SVEP1: variants seen among roughly 807,000 people sequenced by gnomAD.
SVEP1 encodes sushi, von Willebrand factor type A, EGF and pentraxin domain-containing protein 1.
A neutral mutation model predicts 367.3 loss-of-function variants in SVEP1; 164 were observed. The observed-to-expected ratio is 0.45, with a 90% CI of 0.39 to 0.51. The LOEUF (loss-of-function observed/expected upper bound fraction) is 0.51, where lower values mean the gene tolerates loss of function less well. SVEP1 is among the 20% of genes least tolerant of loss of function. The pLI is 0.00. For missense variants in SVEP1, 4,117 were observed against 4,425.3 expected (o/e 0.93, Z 1.98); for synonymous variants, 1,666 against 1,611.6 (o/e 1.03, Z -0.81).
intron 36 of SVEP1, among the ~76,000 whole-genome samples, chr9:110,425,109 C>A (rs1184552110): frequency 6.6e-6 from 1 of 152,170 alleles, no homozygotes; most frequent in Non-Finnish European, 1.5e-5. Flanking sequence ...ATTAAAGGGG[C>A]ATCATTTTTC....
intron 40 of SVEP1, among the ~76,000 whole-genome samples, chr9:110,400,273 G>C (rs1827837244): frequency 3.3e-5 from 5 of 152,114 alleles, no homozygotes; most frequent in Admixed American, 3.3e-4. Flanking sequence ...CAGTTTAAAT[G>C]GTCAGTTGAA....
rs569011497 is a variant in SVEP1, at chr9:110,435,205, G to A, written c.4888+36C>T. On this transcript the variant is annotated intron_variant, in intron 29 of 47. Transcript: ENST00000374469. ...TGCTAGACAGTCCCAGGGTGGTCAA[G>A]AGATAGTGGAGTCTATGAAAGAAGG... 2.1e-5 allele frequency: 33 copies of A among 1,607,180 alleles called. No homozygotes were observed. In the African/African-American group the frequency reaches 3.6e-4, roughly 18 times the overall value.
intron 38 of SVEP1, 137 bp downstream of exon 38, chr9:110,406,023 A>G: frequency 9.3e-7 from 1 of 1,075,146 alleles, no homozygotes; most frequent in South Asian, 2.7e-5. Flanking sequence ...GAATAAAGCC[A>G]AGTGTTAAAA....
rs1829018640 is a variant in SVEP1, at chr9:110,471,590, C to T, written c.2772G>A (p.Val924=). 5.0e-6 allele frequency: 8 copies of T among 1,612,380 alleles called. No individual in the cohort carries two copies. In the East Asian group the frequency reaches 1.8e-4, roughly 36 times the overall value. Residue 924 remains valine, a synonymous_variant, in exon 16 of 48, where the codon GTG becomes GTA. Transcript: ENST00000374469. ...TATCATTTCTTTCATCGGGTAATGG[C>T]ACACTAGCTGAGATAAAAACAAAAT... ...IKLIFNITAS[V]PLPDERNDTL... is the part of the protein sequence containing the mutation.
chr9:110,562,845 G>A (rs369724387), intron 1 of SVEP1, among the ~76,000 whole-genome samples: 2 of 151,878 alleles, frequency 1.3e-5, no homozygotes, highest in African/African-American at 2.4e-5. Context: ...GCCTGCCACC[G>A]CACCCGGCCA....
At chr9:110,550,903 G>A in intron 1 of SVEP1, among the ~76,000 whole-genome samples, 1 of 152,050 alleles carries the variant, frequency 6.6e-6, no homozygotes, top group East Asian at 1.9e-4. Context: ...TTGATGCTTT[G>A]TAACACCAGA....
rs754048080 is a variant in SVEP1, at chr9:110,436,508, A to G, written c.4640-4T>C. The G allele has an allele frequency of 4.3e-6, 7 of 1,612,784 alleles. No individual in the cohort carries two copies. In the African/African-American group the frequency reaches 8.0e-5, roughly 18 times the overall value. ...CCCAGAACTAACGCACCACCACCTA[A>G]GGAGAGAGAAAGAGAAAGAAAAGGA... On this transcript the variant is annotated splice_polypyrimidine_tract_variant and splice_region_variant and intron_variant, in intron 27 of 47. Transcript: ENST00000374469.
intron 1 of SVEP1, among the ~76,000 whole-genome samples, chr9:110,577,561 T>C (rs906861948): frequency 6.6e-6 from 1 of 152,094 alleles, no homozygotes; most frequent in African/African-American, 2.4e-5. Context: ...TCTAAAACTA[T>C]GAACAAATAT....
intron 40 of SVEP1, among the ~76,000 whole-genome samples, chr9:110,397,701 G>C (rs935425261): frequency 8.6e-5 from 13 of 151,602 alleles, no homozygotes; most frequent in Non-Finnish European, 1.6e-4. Flanking sequence ...ACACCAATAA[G>C]AGAAACAGAG....
At chr9:110,554,129 A>T (rs1830325572) in intron 1 of SVEP1, among the ~76,000 whole-genome samples, 1 of 151,984 alleles carries the variant, frequency 6.6e-6, no homozygotes, top group African/African-American at 2.4e-5. Context: ...CTACTTGCTT[A>T]TTCTTGGCCT....
At chr9:110,488,963 T>C (rs777610691) in intron 9 of SVEP1, among the ~76,000 whole-genome samples, 1 of 152,086 alleles carries the variant, frequency 6.6e-6, no homozygotes, top group South Asian at 2.1e-4. Context: ...CCAGAGATCA[T>C]TGGTGACTTT....
At chr9:110,395,475 A>C (rs1289648942) in intron 40 of SVEP1, among the ~76,000 whole-genome samples, 2 of 152,224 alleles carry the variant, frequency 1.3e-5, no homozygotes, top group Non-Finnish European at 2.9e-5. Flanking sequence ...TGACATCATA[A>C]TGACAGGATC....
rs201290499 is a variant in SVEP1, at chr9:110,408,794, G to A, written c.6806C>T (p.Pro2269Leu). 1.3e-4 allele frequency: 204 copies of A among 1,613,038 alleles called. No homozygotes were observed. In the African/African-American group the frequency reaches 1.9e-3, roughly 15 times the overall value. ...TCCTTTCATGAAGCCATTCTGGATC[G>A]GGGGAGGTTTTCCACAGTCGAGAGG... is the stretch of plus-strand genomic sequence containing the variant. ...CVPLDCGKPP[P>L]IQNGFMKGEN... Residue 2269 changes from proline to leucine, a missense_variant, in exon 38 of 48, where the codon CCG (proline) becomes CTG (leucine). Pro to Leu is a moderately conservative substitution (Grantham distance 98). This residue lies in a region of SVEP1 where 1,765 missense variants were observed against 1,781.1 expected (regional missense o/e 0.99). Transcript: ENST00000374469.
chr9:110,513,370 A>G (rs747091502), intron 4 of SVEP1, among the ~76,000 whole-genome samples: 11 of 152,144 alleles, frequency 7.2e-5, no homozygotes, highest in Non-Finnish European at 1.6e-4. Context: ...TGATATCTAT[A>G]TGGATATGAG....
At chr9:110,537,279 T>C (rs1830090650) in intron 3 of SVEP1, among the ~76,000 whole-genome samples, 1 of 151,982 alleles carries the variant, frequency 6.6e-6, no homozygotes, top group Non-Finnish European at 1.5e-5. Flanking sequence ...TGATGTTGTA[T>C]GCTCTCTTAA....
rs765265894 is a variant in SVEP1 at position 110,481,357 on chromosome 9, T to C, written c.2250A>G (p.Thr750=). The change falls in exon 12 of 48, where the codon ACA becomes ACG. Residue 750 remains threonine, a synonymous_variant. Transcript: ENST00000374469. ...CTPDNTGVNC[T]LTCLEGYDFT... ...AATCATAGCCCTCCAAGCAAGTTAA[T>C]GTACAGTTGACTCCAGTATTATCTG... The C allele has an allele frequency of 1.1e-5, 17 of 1,611,240 alleles. 1 individual carries two copies. The African/African-American group carries it at 2.0e-4, about 19-fold the overall frequency.
intron 3 of SVEP1, among the ~76,000 whole-genome samples, chr9:110,521,327 T>C (rs1173316989): frequency 6.6e-6 from 1 of 152,216 alleles, no homozygotes; most frequent in Non-Finnish European, 1.5e-5. Flanking sequence ...GGTAGCTCAT[T>C]TGGCCAGAGT....
At chr9:110,525,219 G>C (rs1307566196) in intron 3 of SVEP1, among the ~76,000 whole-genome samples, 1 of 152,088 alleles carries the variant, frequency 6.6e-6, no homozygotes, top group African/African-American at 2.4e-5. Flanking sequence ...TCTACCAAAA[G>C]CAAAAAACCA....
intron 3 of SVEP1, among the ~76,000 whole-genome samples, chr9:110,526,693 AT>A (rs546876241): frequency 3.3e-5 from 5 of 152,144 alleles, no homozygotes; most frequent in Non-Finnish European, 7.4e-5. Flanking sequence ...AGCCTAGTGA[AT>A]TAAAAACTTA....
Sources: allele counts gnomAD v4.1 joint callset (sites outside exome capture counted in the v4.1 genomes callset), GRCh38; gene constraint gnomAD v4.1.1; regional missense constraint gnomAD v4.1.1; transcripts MANE v1.5; gene names NCBI Gene and HGNC (gene_info 2026-07-23, HGNC 2026-07-21).